SENP7: variants seen among roughly 807,000 people sequenced by gnomAD.
SENP7 encodes SUMO specific peptidase 7, also known as sentrin-specific protease 7.
In SENP7, 64 loss-of-function variants were observed where a neutral mutation model predicts 141.2. The observed-to-expected ratio is 0.45, with a 90% CI of 0.37 to 0.56. The LOEUF is 0.56. Ranked by LOEUF, SENP7 falls within the 20% of genes least tolerant of loss-of-function variation. The probability of loss-of-function intolerance (pLI) is 0.00; values close to 1 mark genes in which losing one functional copy is unlikely to be tolerated. For synonymous variants in SENP7, 382 were observed against 426.4 expected, an observed-to-expected ratio of 0.90 and a Z score of 1.28; for missense variants, 1,025 against 1,212.2, an observed-to-expected ratio of 0.85 and a Z score of 2.29.
intron 6 of SENP7, among the ~76,000 whole-genome samples, chr3:101,377,494 G>T (rs2060369920): frequency 6.6e-6 from 1 of 152,186 alleles, no homozygotes; most frequent in African/African-American, 2.4e-5. Context: ...CATAAAGGGG[G>T]TCGCACACTT....
Position 101,351,608 on chromosome 3 carries a change from G to T in SENP7, c.1657+10C>A, listed in dbSNP as rs1289008913. On this transcript the variant is annotated intron_variant, in intron 12 of 23. Transcript: ENST00000394095. The stretch of plus-strand genomic sequence containing the variant: ...TAAAAAGACAAGTTCATAAGAGAAT[G>T]ATAACTTACCTTGAAATGGGATCTT... 11 of 1,347,856 alleles carry T rather than the reference G, an allele frequency of 8.2e-6. No homozygotes were observed. Among genetic ancestry groups the T allele is most frequent in the Non-Finnish European group, 9.8e-6 (10 of 1,024,606 alleles). The allele number at this position is 1,347,856 out of a possible 1,614,324, so 83.5% of individuals were successfully genotyped here.
intron 4 of SENP7, among the ~76,000 whole-genome samples, chr3:101,431,406 G>A (rs992158709): frequency 1.3e-5 from 2 of 149,744 alleles, no homozygotes; most frequent in African/African-American, 2.5e-5. Flanking sequence ...AGCTCTTCTT[G>A]TTGCATTGAT....
At position 101,457,265 on chromosome 3, in the gene SENP7, C is replaced by T. The variant is rs906503200; in HGVS notation, c.284+1690G>A. ...TTCAGTTTGCCTCATTCTTGGAAGCCTCATCAAAATTCTCCACAAGATCAG... is the reference window on the plus strand; with the variant it reads ...TTCAGTTTGCCTCATTCTTGGAAGCTTCATCAAAATTCTCCACAAGATCAG... On this transcript the variant is annotated intron_variant, in intron 4 of 23. Transcript: ENST00000394095. The T allele has an allele frequency of 1.5e-5, 23 of 1,585,796 alleles. No homozygotes were observed. The Admixed American group carries it at 3.5e-4, about 24-fold the overall frequency.
At chr3:101,421,833 A>C (rs2061799454) in intron 4 of SENP7, among the ~76,000 whole-genome samples, 2 of 152,240 alleles carry the variant, frequency 1.3e-5, no homozygotes, top group Non-Finnish European at 2.9e-5. Flanking sequence ...AGAGAAACTT[A>C]AGAGTAAAGA....
chr3:101,434,362 G>A (rs929856078), intron 4 of SENP7, among the ~76,000 whole-genome samples: 1 of 151,556 alleles, frequency 6.6e-6, no homozygotes, highest in Non-Finnish European at 1.5e-5. Context: ...ATCTAATGAT[G>A]CATCTTAAAA....
intron 1 of SENP7, among the ~76,000 whole-genome samples, chr3:101,505,040 G>A (rs780499248): frequency 5.3e-5 from 8 of 151,798 alleles, no homozygotes; most frequent in Admixed American, 6.6e-5. Flanking sequence ...ACTCCAGTCT[G>A]GACGACAGAG....
intron 5 of SENP7, among the ~76,000 whole-genome samples, chr3:101,411,543 G>T (rs972302080): frequency 1.3e-5 from 2 of 152,152 alleles, no homozygotes; most frequent in African/African-American, 2.4e-5. Context: ...TAGGCTTGAA[G>T]AACACAAATC....
intron 3 of SENP7, among the ~76,000 whole-genome samples, chr3:101,472,197 G>A (rs954763179): frequency 2.0e-4 from 30 of 152,252 alleles, no homozygotes; most frequent in South Asian, 1.7e-3. Context: ...AAAGACACAC[G>A]CACACATATG....
In SENP7 at chr3:101,337,512, A is replaced by G; in HGVS notation, c.2477T>C (p.Leu826Pro). ...GTACATTAGAGGATTAACTTACGAA[A>G]GATTTGGATTATCTTCTGTTAAATT... Reference protein sequence around the residue: ...ENNLTEDNPNLSMAQRRHKRV... With the variant: ...ENNLTEDNPNPSMAQRRHKRV... The change falls in exon 17 of 24, where the codon CTT becomes CCT. Residue 826 changes from leucine to proline, a missense_variant. Physicochemically the swap from Leu to Pro is moderately conservative, Grantham distance 98. Around this residue, in one of 4 missense-constraint regions of SENP7, gnomAD observed 295 missense variants for 459.1 expected, o/e 0.64. Coordinates refer to ENST00000394095, the MANE Select transcript of SENP7 (RefSeq NM_020654.5). 6.6e-7 allele frequency: 1 copy of G among 1,525,248 alleles called. No individual in the cohort carries two copies. Among genetic ancestry groups the G allele is most frequent in the African/African-American group, 1.4e-5 (1 of 72,362 alleles). The allele number at this position is 1,525,248 out of a possible 1,614,324, so 94.5% of individuals were successfully genotyped here.
At chr3:101,435,703 A>G (rs2062361381) in intron 4 of SENP7, among the ~76,000 whole-genome samples, 2 of 152,108 alleles carry the variant, frequency 1.3e-5, no homozygotes, top group South Asian at 4.1e-4. Flanking sequence ...ATATAAAATT[A>G]CCTAGGAATT....
At chr3:101,442,869 C>G (rs577980295) in intron 4 of SENP7, among the ~76,000 whole-genome samples, 2 of 151,874 alleles carry the variant, frequency 1.3e-5, no homozygotes, top group South Asian at 2.1e-4. Context: ...ATTAATAAAG[C>G]CAACAGGACA....
At chr3:101,431,534 T>A (rs2062172933) in intron 4 of SENP7, among the ~76,000 whole-genome samples, 1 of 145,096 alleles carries the variant, frequency 6.9e-6, no homozygotes, top group Admixed American at 7.0e-5. Flanking sequence ...TTTTTTTGCT[T>A]TCCATTTGCC....
intron 2 of SENP7, among the ~76,000 whole-genome samples, chr3:101,500,503 G>A (rs1576539983): frequency 6.6e-6 from 1 of 151,904 alleles, no homozygotes; most frequent in East Asian, 1.9e-4. Flanking sequence ...GCTGCAGTGA[G>A]CTGTACTTGA....
At chr3:101,400,200 T>TG (rs1235599148) in intron 5 of SENP7, among the ~76,000 whole-genome samples, 3 of 152,244 alleles carry the variant, frequency 2.0e-5, no homozygotes, top group African/African-American at 7.2e-5. Flanking sequence ...TGTTATGTAA[T>TG]TTTAAAGTTT....
In SENP7 at chr3:101,330,387, C is replaced by A; in HGVS notation, c.2699-1G>T. 6.2e-7 allele frequency: 1 copy of A among 1,600,630 alleles called. No homozygotes were observed. Among genetic ancestry groups the A allele is most frequent in the Non-Finnish European group, 8.6e-7 (1 of 1,169,056 alleles). On this transcript the variant is annotated splice_acceptor_variant, in intron 19 of 23. Transcript: ENST00000394095. LOFTEE classifies it high-confidence loss of function. ...GTCGAAGTAGTACGTAGATCATTAT[C>A]TAGTTAGAAATAATTAAGCAGTTAT...
At chr3:101,347,757 C>G in intron 13 of SENP7, 115 bp downstream of exon 13, 1 of 462,632 alleles carries the variant, frequency 2.2e-6, no homozygotes. Flanking sequence ...ATTATTTTCA[C>G]TAAATAAAAT....
chr3:101,346,607 C>A (rs144275796), intron 13 of SENP7, among the ~76,000 whole-genome samples: 19,789 of 152,100 alleles, frequency 0.13, 1,342 homozygotes, highest in South Asian at 0.18. Context: ...GCATTCACAG[C>A]AACCTGGATA....
chr3:101,462,297 T>C lies in SENP7; in HGVS notation c.187-3245A>G, dbSNP rs922738955. On this transcript the variant is annotated intron_variant, in intron 3 of 23. Coordinates refer to ENST00000394095, the MANE Select transcript of SENP7 (RefSeq NM_020654.5). ...TGGCTCACACCTGTAATCCCAGCAC[T>C]TGGAGAGGCTGAGGCTGGCAGATCA... Among the ~76,000 whole-genome samples, 23 of 152,080 alleles carry C rather than the reference T, an allele frequency of 1.5e-4. 1 individual carries two copies. The highest frequency in any genetic ancestry group is 8.5e-4 in the Admixed American group (13 of 15,260).
intron 13 of SENP7, among the ~76,000 whole-genome samples, chr3:101,346,242 T>C (rs2059450346): frequency 1.3e-5 from 2 of 152,100 alleles, no homozygotes; most frequent in African/African-American, 4.8e-5. Flanking sequence ...ATGGTCATTA[T>C]CAAAGAATGA....
Sources: gnomAD v4.1 joint callset for allele counts (sites outside exome capture counted in the v4.1 genomes callset) on GRCh38, gnomAD v4.1.1 for gene constraint, gnomAD v4.1.1 regional missense constraint, MANE v1.5 for transcripts, NCBI Gene and HGNC (gene_info 2026-07-23, HGNC 2026-07-21) for gene names.